Variants in PRKCA observed in about 807,000 individuals in gnomAD.
PRKCA encodes protein kinase C alpha, also known as protein kinase C alpha type.
A neutral mutation model predicts 87.0 loss-of-function variants in PRKCA; 27 were observed. The ratio of observed to expected loss-of-function variants is 0.31; its 90% confidence interval spans 0.23 to 0.43. PRKCA has a LOEUF of 0.43. Among genes scored for constraint, PRKCA ranks in the 20% least tolerant of loss-of-function variants. The probability of loss-of-function intolerance (pLI) is 1.00; values close to 1 mark genes in which losing one functional copy is unlikely to be tolerated. For synonymous variants in PRKCA, 329 were observed against 311.1 expected, an observed-to-expected ratio of 1.06 and a Z score of -0.61; for missense variants, 518 against 852.3, an observed-to-expected ratio of 0.61 and a Z score of 4.88.
chr17:66,400,265 C>T (rs1910943308), intron 2 of PRKCA, among the ~76,000 whole-genome samples: 1 of 152,194 alleles, frequency 6.6e-6, no homozygotes, highest in South Asian at 2.1e-4. Context: ...AATTCTCGTG[C>T]CTTAGCCACC....
chr17:66,305,986 T>A (rs1297134563), intron 1 of PRKCA, 110 bp from the exon 2 acceptor site: 1 of 963,314 alleles, frequency 1.0e-6, no homozygotes, highest in Non-Finnish European at 1.6e-6. Context: ...AATCATTGGG[T>A]TTCACATACA....
chr17:66,626,314 A>G (rs1397476656), intron 3 of PRKCA, among the ~76,000 whole-genome samples: 1 of 150,122 alleles, frequency 6.7e-6, no homozygotes, highest in African/African-American at 2.5e-5. Flanking sequence ...CAGCCTCCCA[A>G]GTAGCTGGGA....
intron 1 of PRKCA, among the ~76,000 whole-genome samples, chr17:66,303,993 T>G (rs1904660253): frequency 6.6e-6 from 1 of 151,976 alleles, no homozygotes; most frequent in African/African-American, 2.4e-5. Context: ...CAGAGCGAGA[T>G]TCCGTCTCAA....
chr17:66,344,228 A>G (rs866186625), intron 2 of PRKCA, among the ~76,000 whole-genome samples: 2 of 152,200 alleles, frequency 1.3e-5, no homozygotes, highest in Non-Finnish European at 2.9e-5. Context: ...TTTTCCCAGC[A>G]TGGTCTTTTC....
rs545271831 is a variant in PRKCA, at chr17:66,409,137, G to T, written c.206-87064G>T. On this transcript the variant is annotated intron_variant, in intron 2 of 16. Transcript: ENST00000413366. The stretch of plus-strand genomic sequence containing the variant: ...TTTTGAGTTACCTCTTGTAAGTAAA[G>T]GCTTGAGGGAGTTTAGGAAGCACTG... 4.4e-4 allele frequency among the ~76,000 whole-genome samples: 67 copies of T among 151,734 alleles called. 1 individual carries two copies. Among genetic ancestry groups the T allele is most frequent in the Middle Eastern group, 6.8e-3 (2 of 294 alleles).
chr17:66,503,184 C>T (rs764183578), intron 3 of PRKCA, among the ~76,000 whole-genome samples: 8 of 152,108 alleles, frequency 5.3e-5, no homozygotes, highest in East Asian at 1.9e-4. Context: ...GCTTTCCTCG[C>T]GTTTTTGTTG....
chr17:66,628,753 C>T lies in PRKCA; in HGVS notation c.289-12602C>T, dbSNP rs190045475. Among the ~76,000 whole-genome samples the T allele has an allele frequency of 1.5e-3, 224 of 152,260 alleles. 1 individual carries two copies. The highest frequency in any genetic ancestry group is 1.6e-3 in the Non-Finnish European group (110 of 68,030). On this transcript the variant is annotated intron_variant, in intron 3 of 16. Transcript: ENST00000413366. Reference sequence around the variant, plus strand: ...ACATCAATAAATAAAATTGGCTGGGCGCTGTGGCTCACACCTCTAATCCCA... The same window carrying T: ...ACATCAATAAATAAAATTGGCTGGGTGCTGTGGCTCACACCTCTAATCCCA...
intron 2 of PRKCA, among the ~76,000 whole-genome samples, chr17:66,446,197 G>T (rs893517773): frequency 2.0e-5 from 3 of 151,858 alleles, no homozygotes; most frequent in Non-Finnish European, 4.4e-5. Flanking sequence ...TCTGGGGAAG[G>T]TGCTGTTTTC....
chr17:66,530,239 G>T (rs1253998392), intron 3 of PRKCA, among the ~76,000 whole-genome samples: 1 of 152,132 alleles, frequency 6.6e-6, no homozygotes, highest in Non-Finnish European at 1.5e-5. Context: ...CCTTTGGTTT[G>T]AGCGACGGAA....
At chr17:66,402,951 C>T (rs1911123293) in intron 2 of PRKCA, among the ~76,000 whole-genome samples, 1 of 152,182 alleles carries the variant, frequency 6.6e-6, no homozygotes, top group East Asian at 1.9e-4. Context: ...GGCTCTGCCT[C>T]CTGCAAGAAC....
rs370785809 is a variant in PRKCA at position 66,803,183 on chromosome 17, A to G, written c.1855-690A>G. Among the ~76,000 whole-genome samples, 25 of 152,178 alleles carry G rather than the reference A, an allele frequency of 1.6e-4. No individual in the cohort carries two copies. In the South Asian group the frequency reaches 1.7e-3, roughly 10 times the overall value. On this transcript the variant is annotated intron_variant, in intron 16 of 16. Transcript: ENST00000413366. This position sits in a 1 kb window ranked among gnomAD's most constrained non-coding sequence, Gnocchi z 4.4. ...CCTCTCCCTGCCTCCCCAGGGCGCC[A>G]TGCAAACATCCTCCAGCCTGAGACC...
At chr17:66,563,679 C>T (rs1324460782) in intron 3 of PRKCA, among the ~76,000 whole-genome samples, 1 of 152,130 alleles carries the variant, frequency 6.6e-6, no homozygotes, top group African/African-American at 2.4e-5. Context: ...TTCTTTTTCT[C>T]CTGTTGACTT....
chr17:66,436,392 C>G (rs531736782), intron 2 of PRKCA, among the ~76,000 whole-genome samples: 120 of 152,242 alleles, frequency 7.9e-4, no homozygotes, highest in African/African-American at 2.8e-3. Flanking sequence ...TCTGTTTTCC[C>G]CATTTATGAG....
chr17:66,510,283 A>G (rs187409642), intron 3 of PRKCA, among the ~76,000 whole-genome samples: 1 of 152,024 alleles, frequency 6.6e-6, no homozygotes, highest in Admixed American at 6.6e-5. Context: ...TTTCGGGGGG[A>G]AAAGGTTTTT....
In PRKCA at chr17:66,553,914, TAC is replaced by T. The variant is rs1000363986; in HGVS notation, c.288+57633_288+57634del. Among the ~76,000 whole-genome samples the T allele has an allele frequency of 3.3e-5, 5 of 151,948 alleles. 1 individual carries two copies. The highest frequency in any genetic ancestry group is 7.2e-5 in the African/African-American group (3 of 41,440). ...GTGATCCAGAGAGTCTCCTTGAAAG[TAC>T]AGTGTTGAACCTTGGACTTTGGGGT... On this transcript the variant is annotated intron_variant, in intron 3 of 16. Transcript: ENST00000413366.
intron 3 of PRKCA, among the ~76,000 whole-genome samples, chr17:66,545,309 G>A (rs1431181221): frequency 1.3e-5 from 2 of 152,136 alleles, no homozygotes; most frequent in Non-Finnish European, 2.9e-5. Context: ...GGTGCCTGTA[G>A]TCCCAGCTAC....
rs554670388 is a variant in PRKCA, at chr17:66,640,649, T to C, written c.289-706T>C. Among the ~76,000 whole-genome samples, 74 of 152,318 alleles carry C rather than the reference T, an allele frequency of 4.9e-4. No homozygotes were observed. In the South Asian group the frequency reaches 0.014, roughly 29 times the overall value. On this transcript the variant is annotated intron_variant, in intron 3 of 16. Coordinates refer to ENST00000413366, the MANE Select transcript of PRKCA (RefSeq NM_002737.3). ...ATCTCCTGAATGATCCATTTAGGGTTGTTCCGTTCACTTCACAAACACACC... is the reference window on the plus strand; with the variant it reads ...ATCTCCTGAATGATCCATTTAGGGTCGTTCCGTTCACTTCACAAACACACC...
chr17:66,641,298 T>C, intron 3 of PRKCA, 57 bp from the exon 4 acceptor site: 1 of 1,309,436 alleles, frequency 7.6e-7, no homozygotes. Context: ...CTTGGCTTAA[T>C]CTAAAAACGT....
At chr17:66,383,524 C>G (rs1011702762) in intron 2 of PRKCA, among the ~76,000 whole-genome samples, 3 of 152,134 alleles carry the variant, frequency 2.0e-5, no homozygotes, top group African/African-American at 7.2e-5. Flanking sequence ...ATAAAACCAT[C>G]TGTTTCTGTT....
Sources: gnomAD v4.1 joint callset for allele counts (sites outside exome capture counted in the v4.1 genomes callset) on GRCh38, gnomAD v4.1.1 for gene constraint, Gnocchi (gnomAD v3.1) non-coding constraint, MANE v1.5 for transcripts, NCBI Gene and HGNC (gene_info 2026-07-23, HGNC 2026-07-21) for gene names.